Variants in NELL1 observed in about 807,000 individuals in gnomAD.
The protein encoded by NELL1 is protein kinase C-binding protein NELL1.
In NELL1, 76 loss-of-function variants were observed where a neutral mutation model predicts 107.4. The ratio of observed to expected loss-of-function variants is 0.71; its 90% CI spans 0.59 to 0.86. The LOEUF (loss-of-function observed/expected upper bound fraction) is 0.86. Ranked by LOEUF, NELL1 falls within the 40% of genes least tolerant of loss-of-function variation. The pLI is 0.00. For synonymous variants in NELL1, 353 were observed against 341.2 expected (o/e 1.03, Z -0.38); for missense variants, 1,024 against 1,005.5 (o/e 1.02, Z -0.25).
At chr11:20,975,920 C>CACATATATGTACATATGTGT (rs1851613691) in intron 12 of NELL1, among the ~76,000 whole-genome samples, 1 of 108,460 alleles carries the variant, frequency 9.2e-6, no homozygotes, top group East Asian at 3.2e-4. Flanking sequence ...TATATAAACA[C>CACATATATGTACATATGTGT]ACATATATGT....
At chr11:20,710,160 C>A (rs1855075968) in intron 2 of NELL1, among the ~76,000 whole-genome samples, 1 of 152,134 alleles carries the variant, frequency 6.6e-6, no homozygotes, top group Admixed American at 6.6e-5. Flanking sequence ...AACTTTTCTC[C>A]CATTCAGTAT....
At chr11:20,700,691 A>C (rs549087664) in intron 2 of NELL1, among the ~76,000 whole-genome samples, 1 of 151,152 alleles carries the variant, frequency 6.6e-6, no homozygotes, top group East Asian at 2.0e-4. Context: ...CCAGTTTCTG[A>C]TGTTCCCCAC....
intron 2 of NELL1, among the ~76,000 whole-genome samples, chr11:20,706,016 A>G (rs1011966500): frequency 6.6e-6 from 1 of 152,216 alleles, no homozygotes; most frequent in African/African-American, 2.4e-5. Flanking sequence ...TCAAGAAACA[A>G]CAGGTGCTGC....
At chr11:20,689,032 T>G (rs1192133811) in intron 2 of NELL1, among the ~76,000 whole-genome samples, 1 of 152,112 alleles carries the variant, frequency 6.6e-6, no homozygotes, top group Non-Finnish European at 1.5e-5. Flanking sequence ...ATGTGGAGCG[T>G]TTTTTCATAT....
intron 14 of NELL1, chr11:21,283,602 A>G (rs1849045284): frequency 1.3e-5 from 2 of 154,862 alleles, no homozygotes. Flanking sequence ...ACATTACATC[A>G]TCTGTCTAGC....
Position 21,050,009 on chromosome 11 carries a change from G to A in NELL1, c.1301-63580G>A, listed in dbSNP as rs191425241. Reference sequence around the variant, plus strand: ...GGAAACATATATATGTTAATTAAGCGTTAGTTTGACAACTGATGCCACAAG... The same window carrying A: ...GGAAACATATATATGTTAATTAAGCATTAGTTTGACAACTGATGCCACAAG... On this transcript the variant is annotated intron_variant, in intron 12 of 19. Transcript: ENST00000357134. 3.7e-3 allele frequency among the ~76,000 whole-genome samples: 568 copies of A among 152,248 alleles called. 1 individual carries two copies. The highest frequency in any genetic ancestry group is 0.012 in the African/African-American group (482 of 41,546).
At chr11:20,878,731 T>G (rs908168532) in intron 4 of NELL1, among the ~76,000 whole-genome samples, 1 of 152,226 alleles carries the variant, frequency 6.6e-6, no homozygotes, top group Non-Finnish European at 1.5e-5. Flanking sequence ...AAATTGCTCA[T>G]CATAAAGCTT....
At chr11:21,525,880 A>G (rs1336657619) in intron 15 of NELL1, among the ~76,000 whole-genome samples, 1 of 152,162 alleles carries the variant, frequency 6.6e-6, no homozygotes, top group Non-Finnish European at 1.5e-5. Flanking sequence ...CCCTTGATAC[A>G]TGGGGATTAC....
intron 14 of NELL1, among the ~76,000 whole-genome samples, chr11:21,346,200 C>G (rs1164810055): frequency 6.6e-6 from 1 of 152,104 alleles, no homozygotes; most frequent in East Asian, 1.9e-4. Flanking sequence ...TTCCTTCTAT[C>G]TGAATTTTTC....
At chr11:20,917,467 T>C (rs574038830) in intron 5 of NELL1, among the ~76,000 whole-genome samples, 28 of 152,094 alleles carry the variant, frequency 1.8e-4, no homozygotes, top group Middle Eastern at 3.4e-3. Context: ...ATAAGCTCAG[T>C]ATTCTGAACC....
At chr11:20,735,547 G>C (rs1044390820) in intron 2 of NELL1, among the ~76,000 whole-genome samples, 1 of 152,124 alleles carries the variant, frequency 6.6e-6, no homozygotes, top group African/African-American at 2.4e-5. Context: ...CTCCAACCAG[G>C]TCCCTCCTAC....
chr11:21,381,450 C>A (rs1851604647), intron 15 of NELL1, among the ~76,000 whole-genome samples: 1 of 151,932 alleles, frequency 6.6e-6, no homozygotes, highest in African/African-American at 2.4e-5. Flanking sequence ...GTTGATATTA[C>A]TTACTTCATA....
rs114126353 is a variant in NELL1, at chr11:21,322,621, C to T, written c.1550-48232C>T. On this transcript the variant is annotated intron_variant, in intron 14 of 19. Coordinates refer to ENST00000357134, the MANE Select transcript of NELL1 (RefSeq NM_006157.5). ...TTCCATTCTAGTCTGGTCTAGTCTA[C>T]TATGTTTCATTTTTGTGCAAGTGTT... 4.9e-3 allele frequency among the ~76,000 whole-genome samples: 739 copies of T among 152,150 alleles called. 8 individuals are homozygous for T. The highest frequency in any genetic ancestry group is 0.017 in the African/African-American group (706 of 41,514).
chr11:21,445,019 T>A (rs535674175), intron 15 of NELL1, among the ~76,000 whole-genome samples: 1 of 152,174 alleles, frequency 6.6e-6, no homozygotes, highest in Non-Finnish European at 1.5e-5. Flanking sequence ...AACTTAACAC[T>A]GATTACATAA....
intron 3 of NELL1, among the ~76,000 whole-genome samples, chr11:20,821,008 A>G (rs112066407): frequency 2.1e-3 from 321 of 152,374 alleles, no homozygotes; most frequent in Non-Finnish European, 3.6e-3. Flanking sequence ...TGAACAATGC[A>G]TGGCACCTTG....
chr11:21,573,183 A>G lies in NELL1; in HGVS notation c.2158-2A>G, dbSNP rs771413640. On this transcript the variant is annotated splice_acceptor_variant, in intron 18 of 19. Coordinates refer to ENST00000357134, the MANE Select transcript of NELL1 (RefSeq NM_006157.5). LOFTEE classifies it high-confidence loss of function. ...GAGACATTTTTTGCTTTTCCTCTAC[A>G]GGAAGGAGAGGTAGATTGCTGGCCA... The G allele has an allele frequency of 1.4e-5, 23 of 1,608,960 alleles. No homozygotes were observed. Among genetic ancestry groups the G allele is most frequent in the Non-Finnish European group, 1.4e-5 (16 of 1,176,264 alleles).
At chr11:21,332,170 A>G (rs531933936) in intron 14 of NELL1, among the ~76,000 whole-genome samples, 3 of 152,132 alleles carry the variant, frequency 2.0e-5, no homozygotes, top group Non-Finnish European at 2.9e-5. Flanking sequence ...TCTTGTCATA[A>G]TGCCCCATTG....
chr11:21,157,719 T>C (rs964223079), intron 13 of NELL1, among the ~76,000 whole-genome samples: 4 of 152,216 alleles, frequency 2.6e-5, no homozygotes, highest in Non-Finnish European at 4.4e-5. Flanking sequence ...GGAGTCAGGC[T>C]GCCAGGGTAT....
At chr11:20,677,584 T>C (rs561724758) in intron 1 of NELL1, among the ~76,000 whole-genome samples, 1 of 152,356 alleles carries the variant, frequency 6.6e-6, no homozygotes, top group South Asian at 2.1e-4. Flanking sequence ...TATGGGGTTC[T>C]GAGTTAGACT....
Sources: allele counts gnomAD v4.1 joint callset (sites outside exome capture counted in the v4.1 genomes callset), GRCh38; gene constraint gnomAD v4.1.1; transcripts MANE v1.5; gene names NCBI Gene and HGNC (gene_info 2026-07-23, HGNC 2026-07-21).